Variants in TRIM9 observed in about 807,000 individuals in gnomAD.
TRIM9 encodes the protein E3 ubiquitin-protein ligase TRIM9.
Under a neutral mutation model 78.3 loss-of-function variants are expected in TRIM9, and 26 were observed. The ratio of observed to expected loss-of-function variants is 0.33; its 90% CI spans 0.24 to 0.46. The LOEUF is 0.46. Ranked by LOEUF, TRIM9 falls within the 20% of genes least tolerant of loss-of-function variation. The pLI is 1.00. For synonymous variants in TRIM9, 398 were observed against 416.5 expected (o/e 0.96, Z 0.54); for missense variants, 787 against 1,036.4 (o/e 0.76, Z 3.30).
intron 1 of TRIM9, among the ~76,000 whole-genome samples, chr14:51,068,045 A>G (rs1271216395): frequency 6.6e-6 from 1 of 152,236 alleles, no homozygotes; most frequent in East Asian, 1.9e-4. Flanking sequence ...AAAATCACCT[A>G]GAGAGCTTAT....
At chr14:51,078,137 AG>A (rs1196640206) in intron 1 of TRIM9, among the ~76,000 whole-genome samples, 1 of 152,214 alleles carries the variant, frequency 6.6e-6, no homozygotes, top group African/African-American at 2.4e-5. Flanking sequence ...AGCCTATGTC[AG>A]GCCTTGAGGT....
chr14:51,017,449 T>C (rs1009336589), intron 3 of TRIM9, among the ~76,000 whole-genome samples: 22 of 152,226 alleles, frequency 1.4e-4, no homozygotes, highest in African/African-American at 5.3e-4. Flanking sequence ...ACCAATGCCT[T>C]ACCAATAAAC....
At chr14:51,076,475 C>T (rs372828177) in intron 1 of TRIM9, among the ~76,000 whole-genome samples, 5 of 152,264 alleles carry the variant, frequency 3.3e-5, no homozygotes, top group African/African-American at 1.2e-4. Context: ...GCATTTCAGC[C>T]GTTCTTTCCA....
chr14:51,063,810 G>A (rs533657601), intron 1 of TRIM9, among the ~76,000 whole-genome samples: 23 of 152,128 alleles, frequency 1.5e-4, no homozygotes, highest in Non-Finnish European at 2.9e-4. Flanking sequence ...TTGTTTCCAG[G>A]AGATTTATAC....
chr14:51,001,900 G>T (rs1391003944), intron 5 of TRIM9, among the ~76,000 whole-genome samples: 1 of 152,190 alleles, frequency 6.6e-6, no homozygotes, highest in Non-Finnish European at 1.5e-5. Context: ...ATGACAAGGA[G>T]GCTCAAGATG....
At chr14:51,038,450 C>T (rs1416362085) in intron 1 of TRIM9, among the ~76,000 whole-genome samples, 1 of 152,136 alleles carries the variant, frequency 6.6e-6, no homozygotes, top group Non-Finnish European at 1.5e-5. Flanking sequence ...GGATGCTTAC[C>T]ACCTTTGGCG....
At chr14:51,045,267 A>G (rs1222738828) in intron 1 of TRIM9, among the ~76,000 whole-genome samples, 1 of 152,242 alleles carries the variant, frequency 6.6e-6, no homozygotes, top group Non-Finnish European at 1.5e-5. Context: ...ACAGAGTGAG[A>G]TATCAGAGTC....
intron 2 of TRIM9, among the ~76,000 whole-genome samples, chr14:51,024,223 G>GC (rs1349079558): frequency 6.6e-6 from 1 of 152,148 alleles, no homozygotes; most frequent in Non-Finnish European, 1.5e-5. Flanking sequence ...TGATGAAGAG[G>GC]CCCGGGCAGA....
intron 1 of TRIM9, among the ~76,000 whole-genome samples, chr14:51,083,088 G>A (rs552124636): frequency 2.6e-5 from 4 of 152,164 alleles, no homozygotes; most frequent in African/African-American, 7.2e-5. Flanking sequence ...TCAGTGCCTA[G>A]ACCACTATGT....
At chr14:50,981,689 C>T in intron 11 of TRIM9, 111 bp downstream of exon 11, 1 of 1,396,622 alleles carries the variant, frequency 7.2e-7, no homozygotes, top group Non-Finnish European at 9.9e-7. Context: ...TAATGTAGAC[C>T]ACCTGTTTGA....
intron 8 of TRIM9, among the ~76,000 whole-genome samples, chr14:50,985,224 C>A (rs935285801): frequency 6.6e-6 from 1 of 152,198 alleles, no homozygotes; most frequent in African/African-American, 2.4e-5. Context: ...TCTGTCACAA[C>A]CAGCTTGGCT....
At chr14:51,073,438 T>C (rs973801004) in intron 1 of TRIM9, among the ~76,000 whole-genome samples, 4 of 152,182 alleles carry the variant, frequency 2.6e-5, no homozygotes, top group African/African-American at 2.4e-5. Flanking sequence ...TTGTGAAACA[T>C]TCATAAAAAT....
intron 5 of TRIM9, among the ~76,000 whole-genome samples, chr14:51,004,401 T>C (rs1388255344): frequency 6.6e-6 from 1 of 152,206 alleles, no homozygotes; most frequent in Non-Finnish European, 1.5e-5. Flanking sequence ...TTAAGGCCAC[T>C]CTATTTCAAA....
In TRIM9 at chr14:51,000,721, T is replaced by A; in HGVS notation, c.1426A>T (p.Ile476Phe). The A allele has an allele frequency of 1.2e-6, 2 of 1,614,160 alleles. No individual in the cohort carries two copies. Among genetic ancestry groups the A allele is most frequent in the South Asian group, 1.1e-5 (1 of 91,084 alleles). Reference sequence around the variant, plus strand: ...CCGTTGCCATCATCCAGCTCCAGAATGTATCCATCGGCGGGCACCGTGGAC... The same window carrying A: ...CCGTTGCCATCATCCAGCTCCAGAAAGTATCCATCGGCGGGCACCGTGGAC... The part of the protein sequence containing the change: ...PLSTVPADGY[I>F]LELDDGNGGQ... The change falls in exon 6 of 13, where the codon ATT becomes TTT. Residue 476 changes from isoleucine to phenylalanine, a missense_variant. Around this residue, in one of 3 missense-constraint regions of TRIM9, gnomAD observed 421 missense variants for 514.3 expected, o/e 0.82. Coordinates refer to ENST00000684578, the MANE Select transcript of TRIM9 (RefSeq NM_001387360.1).
At chr14:51,005,201 G>A (rs941179844) in intron 5 of TRIM9, among the ~76,000 whole-genome samples, 8 of 152,070 alleles carry the variant, frequency 5.3e-5, no homozygotes, top group African/African-American at 1.7e-4. Flanking sequence ...TTCCATCCCC[G>A]CTAACCCTCT....
rs1031123037 is a variant in TRIM9 at position 51,016,771 on chromosome 14, G to C, written c.1041+6064C>G. ...TGAAACTGCTCCCTGGTGCCAAAGA[G>C]GCTGGGGACCAGTGGTTTAAGGAAT... On this transcript the variant is annotated intron_variant, in intron 3 of 12. Coordinates refer to ENST00000684578, the MANE Select transcript of TRIM9 (RefSeq NM_001387360.1). 1.1e-4 allele frequency among the ~76,000 whole-genome samples: 17 copies of C among 152,232 alleles called. No individual in the cohort carries two copies. The South Asian group carries it at 3.5e-3, about 32-fold the overall frequency.
intron 1 of TRIM9, chr14:51,088,825 C>T (rs146167040): frequency 3.3e-5 from 5 of 152,084 alleles, no homozygotes; most frequent in Admixed American, 3.3e-4. Context: ...GTATTTATGG[C>T]ATCAGAATGC....
chr14:50,977,429 TC>T, intron 12 of TRIM9, 76 bp from the exon 13 acceptor site: 2 of 1,160,438 alleles, frequency 1.7e-6, no homozygotes, highest in South Asian at 5.6e-5. Flanking sequence ...CGTGGGTGTG[TC>T]CCTAACTCAA....
intron 1 of TRIM9, among the ~76,000 whole-genome samples, chr14:51,077,594 A>T (rs2062920376): frequency 6.6e-6 from 1 of 151,996 alleles, no homozygotes; most frequent in Admixed American, 6.6e-5. Context: ...GGGTTTCGCC[A>T]TGTTGACCAG....
Sources: allele counts gnomAD v4.1 joint callset (sites outside exome capture counted in the v4.1 genomes callset), GRCh38; gene constraint gnomAD v4.1.1; regional missense constraint gnomAD v4.1.1; transcripts MANE v1.5; gene names NCBI Gene and HGNC (gene_info 2026-07-23, HGNC 2026-07-21).